The following CACNA2D4 variants were observed in gnomAD, a reference collection of about 807,000 sequenced individuals.
CACNA2D4 encodes voltage-dependent calcium channel subunit alpha-2/delta-4.
Under a neutral mutation model 163.8 loss-of-function variants are expected in CACNA2D4, and 157 were observed. The ratio of observed to expected loss-of-function variants is 0.96; its 90% CI spans 0.84 to 1.09. The LOEUF (loss-of-function observed/expected upper bound fraction) is 1.09, where lower values mean the gene tolerates loss of function less well. CACNA2D4 is among the 50% of genes least tolerant of loss of function. The probability of loss-of-function intolerance (pLI) is 0.00; values close to 1 mark genes in which losing one functional copy is unlikely to be tolerated. For missense variants in CACNA2D4, 1,410 were observed against 1,479.9 expected, an observed-to-expected ratio of 0.95 and a Z score of 0.78; for synonymous variants, 598 against 586.9, an observed-to-expected ratio of 1.02 and a Z score of -0.27.
chr12:1,842,023 C>T (rs1413323457), intron 25 of CACNA2D4, among the ~76,000 whole-genome samples: 1 of 152,214 alleles, frequency 6.6e-6, no homozygotes, highest in Non-Finnish European at 1.5e-5. Context: ...CTGGGTCCCA[C>T]AGCCCATTTT....
At position 1,891,045 on chromosome 12, in the gene CACNA2D4, T is replaced by C. The variant is rs188239734; in HGVS notation, c.782-3976A>G. 1.2e-3 allele frequency among the ~76,000 whole-genome samples: 187 copies of C among 152,326 alleles called. 1 individual carries two copies. Among genetic ancestry groups the C allele is most frequent in the African/African-American group, 4.5e-3 (186 of 41,552 alleles). On this transcript the variant is annotated intron_variant, in intron 6 of 37. Transcript: ENST00000382722. Reference sequence around the variant, plus strand: ...ATCACCTTTGCCACACCCACTTCTCTGGGGACTGAAAGCCTGCCCAACAGC... The same window carrying C: ...ATCACCTTTGCCACACCCACTTCTCCGGGGACTGAAAGCCTGCCCAACAGC...
At chr12:1,890,006 G>A (rs74321314) in intron 6 of CACNA2D4, among the ~76,000 whole-genome samples, 1,613 of 152,260 alleles carry the variant, frequency 0.011, 16 homozygotes, top group Non-Finnish European at 0.018. Context: ...GGAAGGAGAC[G>A]GAAGCAAGTC....
At chr12:1,836,779 G>A (rs1174850503) in intron 26 of CACNA2D4, 1 of 152,708 alleles carries the variant, frequency 6.5e-6, no homozygotes, top group African/African-American at 2.4e-5. Flanking sequence ...GGGTGGGAAG[G>A]GGACCTGGGT....
At chr12:1,824,473 C>G (rs980282244) in intron 26 of CACNA2D4, among the ~76,000 whole-genome samples, 1 of 152,204 alleles carries the variant, frequency 6.6e-6, no homozygotes, top group African/African-American at 2.4e-5. Flanking sequence ...CCAATCCTGG[C>G]TCTCTCTGGA....
chr12:1,795,358 G>T lies in CACNA2D4; in HGVS notation c.3250C>A (p.Arg1084=). 6.2e-7 allele frequency: 1 copy of T among 1,611,974 alleles called. No individual in the cohort carries two copies. The highest frequency in any genetic ancestry group is 8.5e-7 in the Non-Finnish European group (1 of 1,179,808). Residue 1084 remains arginine, a synonymous_variant, in exon 37 of 38, where the codon CGG becomes AGG. Coordinates refer to ENST00000382722, the MANE Select transcript of CACNA2D4 (RefSeq NM_172364.5). ...CGGCGGAGCTTCTGGGAGCGCATCC[G>T]GTCACATTTGACAGAGGCATTATGT... ...VKYNASVKCD[R]MRSQKLRRRP... is the part of the protein sequence containing the mutation.
chr12:1,803,830 G>A (rs78518031), intron 29 of CACNA2D4, among the ~76,000 whole-genome samples: 3,233 of 152,302 alleles, frequency 0.021, 44 homozygotes, highest in Middle Eastern at 0.078. Flanking sequence ...GCATGGACAG[G>A]CAGGGAACAC....
intron 26 of CACNA2D4, among the ~76,000 whole-genome samples, chr12:1,837,027 A>G (rs1001115538): frequency 6.6e-6 from 1 of 152,228 alleles, no homozygotes; most frequent in Non-Finnish European, 1.5e-5. Flanking sequence ...CTGGCCTGAC[A>G]GGCAGGTTCC....
Position 1,834,934 on chromosome 12 carries a change from C to A in CACNA2D4, c.2551+5805G>T. ...TGGGGGCTCCTGCTGATGCTCCTGTCTGGGCCAGTAAATCTTTGGAACATG... is the reference window on the plus strand; with the variant it reads ...TGGGGGCTCCTGCTGATGCTCCTGTATGGGCCAGTAAATCTTTGGAACATG... On this transcript the variant is annotated intron_variant, in intron 26 of 37. Coordinates refer to ENST00000382722, the MANE Select transcript of CACNA2D4 (RefSeq NM_172364.5). The surrounding 1 kb of genome is among the most constrained non-coding windows in gnomAD (Gnocchi z 7.6). 2 of 843,748 alleles carry A rather than the reference C, an allele frequency of 2.4e-6. No homozygotes were observed. The highest frequency in any genetic ancestry group is 3.5e-6 in the Non-Finnish European group (2 of 569,102). 52.3% of individuals were successfully genotyped at this position (843,748 alleles called of 1,614,324 possible).
intron 29 of CACNA2D4, among the ~76,000 whole-genome samples, chr12:1,804,795 G>C (rs564870817): frequency 1.3e-5 from 2 of 152,266 alleles, no homozygotes; most frequent in Non-Finnish European, 2.9e-5. Context: ...AGCCCCTCCA[G>C]CTATGCTGGG....
Position 1,799,943 on chromosome 12 carries a change from A to T in CACNA2D4, c.2974+57T>A. The T allele has an allele frequency of 6.5e-7, 1 of 1,538,584 alleles. No homozygotes were observed. The highest frequency in any genetic ancestry group is 1.4e-5 in the African/African-American group (1 of 73,214). On this transcript the variant is annotated intron_variant, in intron 33 of 37. Coordinates refer to ENST00000382722, the MANE Select transcript of CACNA2D4 (RefSeq NM_172364.5). This position sits in a 1 kb window ranked among gnomAD's most constrained non-coding sequence, Gnocchi z 4.7. ...ACCCCACAGGGAATGGTCTCACGTT[A>T]GTGGACCAAAATGCCACTGCTCTTC...
At chr12:1,826,450 C>A (rs1333890447) in intron 26 of CACNA2D4, among the ~76,000 whole-genome samples, 1 of 130,208 alleles carries the variant, frequency 7.7e-6, no homozygotes, top group Non-Finnish European at 1.6e-5. Context: ...TGGAGCCTGG[C>A]CTTGAGACAG....
At chr12:1,870,105 A>G (rs532937122) in intron 18 of CACNA2D4, among the ~76,000 whole-genome samples, 14 of 152,226 alleles carry the variant, frequency 9.2e-5, no homozygotes, top group African/African-American at 3.4e-4. Flanking sequence ...CTTTACTCCT[A>G]AGGTGTAGTT....
At chr12:1,816,062 G>A (rs1280324031) in intron 26 of CACNA2D4, among the ~76,000 whole-genome samples, 1 of 152,138 alleles carries the variant, frequency 6.6e-6, no homozygotes, top group Admixed American at 6.5e-5. Context: ...CACAACCCAA[G>A]TTGTGCTTTT....
intron 29 of CACNA2D4, among the ~76,000 whole-genome samples, chr12:1,805,119 C>G (rs899603232): frequency 3.3e-5 from 5 of 152,148 alleles, no homozygotes; most frequent in African/African-American, 1.2e-4. Flanking sequence ...GGGGACAATT[C>G]ACAAATAAGC....
chr12:1,860,239 C>A, intron 18 of CACNA2D4, 33 bp from the exon 19 acceptor site: 4 of 1,580,862 alleles, frequency 2.5e-6, no homozygotes, highest in Non-Finnish European at 3.5e-6. Context: ...AGTGCTCACG[C>A]AGAGAAGAGC....
At chr12:1,868,957 T>C (rs1445548494) in intron 18 of CACNA2D4, among the ~76,000 whole-genome samples, 1 of 152,068 alleles carries the variant, frequency 6.6e-6, no homozygotes, top group Non-Finnish European at 1.5e-5. Flanking sequence ...GAAGACTGTG[T>C]AGATTACACA....
At chr12:1,797,637 A>ACTGGGGT in intron 34 of CACNA2D4, 102 bp from the exon 35 acceptor site, 1 of 850,226 alleles carries the variant, frequency 1.2e-6, no homozygotes. Flanking sequence ...GTGCATTTGC[A>ACTGGGGT]GAGGGTCCCT....
intron 26 of CACNA2D4, among the ~76,000 whole-genome samples, chr12:1,826,986 G>A (rs989625120): frequency 6.6e-6 from 1 of 152,342 alleles, no homozygotes; most frequent in East Asian, 1.9e-4. Context: ...GGGGCAGGGA[G>A]AGGGAGGCTG....
At chr12:1,812,674 C>A (rs571116127) in intron 26 of CACNA2D4, among the ~76,000 whole-genome samples, 4 of 152,336 alleles carry the variant, frequency 2.6e-5, no homozygotes, top group African/African-American at 7.2e-5. Context: ...GAAATGGAGA[C>A]TTTTCAGAGT....
Sources: allele counts gnomAD v4.1 joint callset (sites outside exome capture counted in the v4.1 genomes callset), GRCh38; gene constraint gnomAD v4.1.1; non-coding constraint Gnocchi (gnomAD v3.1); transcripts MANE v1.5; gene names NCBI Gene and HGNC (gene_info 2026-07-23, HGNC 2026-07-21).